The following CTIF variants were observed in gnomAD, a reference collection of about 807,000 sequenced individuals.
CTIF encodes the protein CBP80/20-dependent translation initiation factor.
Under a neutral mutation model 66.0 loss-of-function variants are expected in CTIF, and 21 were observed. The ratio of observed to expected loss-of-function variants is 0.32; its 90% CI spans 0.23 to 0.46. CTIF has a LOEUF of 0.46. Ranked by LOEUF, CTIF falls within the 20% of genes least tolerant of loss-of-function variation. The pLI is 1.00. For synonymous variants in CTIF, 345 were observed against 326.4 expected (o/e 1.06, Z -0.62); for missense variants, 739 against 812.7 (o/e 0.91, Z 1.10).
chr18:48,712,843 T>C (rs1163433932), intron 7 of CTIF, among the ~76,000 whole-genome samples: 2 of 152,218 alleles, frequency 1.3e-5, no homozygotes, highest in Non-Finnish European at 2.9e-5. Flanking sequence ...GATGTAGGCC[T>C]GGGTGCCCAG....
intron 10 of CTIF, among the ~76,000 whole-genome samples, chr18:48,846,348 A>C (rs1380286364): frequency 6.6e-6 from 1 of 152,182 alleles, no homozygotes; most frequent in Non-Finnish European, 1.5e-5. Context: ...CTTTCCCCCT[A>C]CTAGACTATA....
At chr18:48,543,518 T>A (rs997804494) in intron 1 of CTIF, among the ~76,000 whole-genome samples, 1 of 152,202 alleles carries the variant, frequency 6.6e-6, no homozygotes, top group African/African-American at 2.4e-5. Flanking sequence ...CTTCTCCCTG[T>A]GTTAGCACCG....
intron 7 of CTIF, among the ~76,000 whole-genome samples, chr18:48,753,516 C>CTGTAA (rs1908037816): frequency 6.6e-6 from 1 of 151,506 alleles, no homozygotes; most frequent in Non-Finnish European, 1.5e-5. Flanking sequence ...TAGAGTAAAA[C>CTGTAA]AAGACATCTG....
chr18:48,716,373 C>T (rs1266287738), intron 7 of CTIF, among the ~76,000 whole-genome samples: 1 of 152,154 alleles, frequency 6.6e-6, no homozygotes, highest in East Asian at 1.9e-4. Flanking sequence ...CAGAATGCTT[C>T]CTGGAGGAGG....
chr18:48,702,890 C>T (rs996215070), intron 6 of CTIF, among the ~76,000 whole-genome samples: 2 of 151,494 alleles, frequency 1.3e-5, no homozygotes, highest in African/African-American at 4.9e-5. Context: ...TGGAGAGAGA[C>T]CTTGGTAGGA....
At chr18:48,819,737 T>G (rs72913771) in intron 10 of CTIF, among the ~76,000 whole-genome samples, 1 of 152,162 alleles carries the variant, frequency 6.6e-6, no homozygotes, top group South Asian at 2.1e-4. Context: ...TCTTCTCCAA[T>G]TTGTAAAAGA....
chr18:48,617,683 G>A (rs1034657062), intron 1 of CTIF, among the ~76,000 whole-genome samples: 3 of 152,222 alleles, frequency 2.0e-5, no homozygotes, highest in African/African-American at 7.2e-5. Context: ...CCTGCCTGTG[G>A]CCCTTGCCAC....
At position 48,670,742 on chromosome 18, in the gene CTIF, C is replaced by T; in HGVS notation, c.505C>T (p.Gln169Ter). 1 of 1,613,662 alleles carries T rather than the reference C, an allele frequency of 6.2e-7. No homozygotes were observed. Among genetic ancestry groups the T allele is most frequent in the Non-Finnish European group, 8.5e-7 (1 of 1,179,614 alleles). ...NDIEKVLPAW[Q>*]GYHPMPHEVE... ...CATCGAGAAGGTCCTTCCAGCCTGG[C>T]AGGTAGGTGCAGGGGCAGGCTCTCT... The change falls in exon 6 of 12, where the codon CAG becomes TAG. Residue 169 changes from glutamine (Q) to a stop codon, truncating the protein, a stop_gained and splice_region_variant. Transcript: ENST00000256413. LOFTEE classifies it high-confidence loss of function.
chr18:48,806,021 A>G (rs9966625), intron 9 of CTIF, among the ~76,000 whole-genome samples: 30,138 of 151,996 alleles, frequency 0.2, 3,446 homozygotes, highest in African/African-American at 0.31. Context: ...ATCAACAGAC[A>G]TCAGACCTAG....
At chr18:48,577,315 T>C (rs2143751230) in intron 1 of CTIF, among the ~76,000 whole-genome samples, 1 of 152,270 alleles carries the variant, frequency 6.6e-6, no homozygotes, top group South Asian at 2.1e-4. Flanking sequence ...CCTAAGAGAT[T>C]TAATCCAGAG....
chr18:48,747,667 G>A (rs1169386882), intron 7 of CTIF, among the ~76,000 whole-genome samples: 1 of 151,782 alleles, frequency 6.6e-6, no homozygotes, highest in Non-Finnish European at 1.5e-5. Flanking sequence ...AGCGCTCTGA[G>A]AGGCCAAGGT....
At chr18:48,660,528 A>G (rs1426225939) in intron 3 of CTIF, among the ~76,000 whole-genome samples, 1 of 152,190 alleles carries the variant, frequency 6.6e-6, no homozygotes, top group Non-Finnish European at 1.5e-5. Context: ...CCCTGACCCC[A>G]AGAATCTGGA....
intron 1 of CTIF, among the ~76,000 whole-genome samples, chr18:48,543,531 C>T (rs563979538): frequency 6.6e-6 from 1 of 152,208 alleles, no homozygotes; most frequent in Non-Finnish European, 1.5e-5. Flanking sequence ...TAGCACCGTG[C>T]TCTCAGCATG....
chr18:48,544,459 A>G (rs935877839), intron 1 of CTIF, among the ~76,000 whole-genome samples: 3 of 152,328 alleles, frequency 2.0e-5, no homozygotes, highest in Middle Eastern at 3.4e-3. Context: ...TTGCTGTCTG[A>G]CATCATTATG....
In CTIF at chr18:48,859,654, G is replaced by A. The variant is rs561789371; in HGVS notation, c.*95G>A. 28 of 1,218,792 alleles carry A rather than the reference G, an allele frequency of 2.3e-5. No homozygotes were observed. Among genetic ancestry groups the A allele is most frequent in the Admixed American group, 1.4e-4 (8 of 55,926 alleles). 75.5% of individuals were successfully genotyped at this position (1,218,792 alleles called of 1,614,324 possible). On this transcript the variant is annotated 3_prime_UTR_variant, in exon 12 of 12. Coordinates refer to ENST00000256413, the MANE Select transcript of CTIF (RefSeq NM_014772.3). ...GGGAGGACAGGGGTGGCCCTGGCGGGAGAAAGAAATGGGGAGGAGGGCAGG... is the reference window on the plus strand; with the variant it reads ...GGGAGGACAGGGGTGGCCCTGGCGGAAGAAAGAAATGGGGAGGAGGGCAGG...
intron 6 of CTIF, among the ~76,000 whole-genome samples, chr18:48,683,551 G>A (rs1464065250): frequency 6.6e-6 from 1 of 151,718 alleles, no homozygotes; most frequent in Non-Finnish European, 1.5e-5. Flanking sequence ...CTGAAGGAAA[G>A]AGCTCTGATT....
intron 9 of CTIF, among the ~76,000 whole-genome samples, chr18:48,814,001 G>A (rs1402852092): frequency 6.6e-6 from 1 of 152,192 alleles, no homozygotes; most frequent in Non-Finnish European, 1.5e-5. Context: ...AGGGGCTGAA[G>A]CCTCAAGCTA....
At chr18:48,618,604 G>T (rs1045754473) in intron 1 of CTIF, among the ~76,000 whole-genome samples, 1 of 152,236 alleles carries the variant, frequency 6.6e-6, no homozygotes, top group Non-Finnish European at 1.5e-5. Flanking sequence ...ACTCCCAGGT[G>T]GGTCAGGTGG....
At chr18:48,684,313 T>C (rs1347136519) in intron 6 of CTIF, among the ~76,000 whole-genome samples, 1 of 152,196 alleles carries the variant, frequency 6.6e-6, no homozygotes, top group Admixed American at 6.5e-5. Context: ...GAAAGGCCTG[T>C]GACAGAAAAT....
Sources: allele counts gnomAD v4.1 joint callset (sites outside exome capture counted in the v4.1 genomes callset), GRCh38; gene constraint gnomAD v4.1.1; transcripts MANE v1.5; gene names NCBI Gene and HGNC (gene_info 2026-07-23, HGNC 2026-07-21).